IDH3B: variants seen among roughly 807,000 people sequenced by gnomAD.
IDH3B encodes isocitrate dehydrogenase [NAD] subunit beta, mitochondrial.
IDH3B carries 40 observed loss-of-function variants against 47.5 expected under a neutral mutation model. The ratio of observed to expected loss-of-function variants is 0.84; its 90% confidence interval spans 0.65 to 1.10. The LOEUF is 1.10. Among genes scored for constraint, IDH3B ranks in the 50% least tolerant of loss-of-function variants. The pLI is 0.00. For synonymous variants in IDH3B, 185 were observed against 191.0 expected (o/e 0.97, Z 0.26); for missense variants, 450 against 505.2 (o/e 0.89, Z 1.05).
chr20:2,663,846 G>C, intron 2 of IDH3B, 79 bp downstream of exon 2: 1 of 1,592,656 alleles, frequency 6.3e-7, no homozygotes, highest in Non-Finnish European at 8.6e-7. Flanking sequence ...GACCCGGGAG[G>C]GGTGGGGAAA....
Position 2,658,618 on chromosome 20 carries a change from A to T in IDH3B, c.*133T>A. ...GTCTGTCCCCTAAGGAAGCCGGCCC[A>T]AGGACAACCTAGGCTCTACCCAGCA... On this transcript the variant is annotated 3_prime_UTR_variant, in exon 12 of 12. Coordinates refer to ENST00000380843, the MANE Select transcript of IDH3B (RefSeq NM_006899.5). 1 of 1,613,348 alleles carries T rather than the reference A, an allele frequency of 6.2e-7. No homozygotes were observed. The highest frequency in any genetic ancestry group is 8.5e-7 in the Non-Finnish European group (1 of 1,179,650).
Position 2,658,491 on chromosome 20 carries a change from G to GTACA in IDH3B, c.*259_*260insTGTA. 6.2e-7 allele frequency: 1 copy of GTACA among 1,614,170 alleles called. No individual in the cohort carries two copies. Among genetic ancestry groups the GTACA allele is most frequent in the Non-Finnish European group, 8.5e-7 (1 of 1,180,034 alleles). On this transcript the variant is annotated 3_prime_UTR_variant, in exon 12 of 12. Transcript: ENST00000380843. ...GACAGCCTCAGTGAAGTCATGGCAA[G>GTACA]TAGCATAGCCACCCATGTCAGAGGT...
chr20:2,663,165 G>A (rs1273643424), intron 4 of IDH3B, among the ~76,000 whole-genome samples: 1 of 150,946 alleles, frequency 6.6e-6, no homozygotes, highest in African/African-American at 2.4e-5. Flanking sequence ...AAAGAAAAGG[G>A]GCAGCTAAAA....
chr20:2,664,144 G>A lies in IDH3B; in HGVS notation c.36+9C>T. 6.2e-7 allele frequency: 1 copy of A among 1,613,240 alleles called. No individual in the cohort carries two copies. The highest frequency in any genetic ancestry group is 1.1e-5 in the South Asian group (1 of 90,886). On this transcript the variant is annotated intron_variant, in intron 1 of 11. Coordinates refer to ENST00000380843, the MANE Select transcript of IDH3B (RefSeq NM_006899.5). ...GCCCGCCCCTGCCCGACATGTCCCGGGGCCTCACTCGGGTCAGCCAGCGGA... is the reference window on the plus strand; with the variant it reads ...GCCCGCCCCTGCCCGACATGTCCCGAGGCCTCACTCGGGTCAGCCAGCGGA...
At position 2,658,518 on chromosome 20, in the gene IDH3B, C is replaced by T. The variant is rs747921573; in HGVS notation, c.*233G>A. On this transcript the variant is annotated 3_prime_UTR_variant, in exon 12 of 12. Transcript: ENST00000380843. ...AGCATAGCCACCCATGTCAGAGGTT[C>T]GAACCTGTGGGGGAGAATCATCATC... is the stretch of plus-strand genomic sequence containing the variant. The T allele has an allele frequency of 1.4e-5, 22 of 1,613,854 alleles. No individual in the cohort carries two copies. The highest frequency in any genetic ancestry group is 1.7e-5 in the Non-Finnish European group (20 of 1,179,978).
At chr20:2,659,197 C>T in intron 11 of IDH3B, 2 of 1,303,172 alleles carry the variant, frequency 1.5e-6, no homozygotes, top group Non-Finnish European at 1.9e-6. Context: ...GCTGATGCTT[C>T]AGCCTGCCTG....
At chr20:2,661,416 T>C (rs772867099) in intron 4 of IDH3B, among the ~76,000 whole-genome samples, 17 of 152,238 alleles carry the variant, frequency 1.1e-4, no homozygotes, top group Non-Finnish European at 2.2e-4. Context: ...CAGGCTGGTC[T>C]CAAACTCCTG....
rs777717160 is a variant in IDH3B at position 2,658,717 on chromosome 20, G to A, written c.*34C>T. 1.8e-5 allele frequency: 29 copies of A among 1,614,044 alleles called. No individual in the cohort carries two copies. Among genetic ancestry groups the A allele is most frequent in the Non-Finnish European group, 2.5e-5 (29 of 1,180,022 alleles). On this transcript the variant is annotated 3_prime_UTR_variant, in exon 12 of 12. Transcript: ENST00000380843. Reference sequence around the variant, plus strand: ...CACTGCACTGAAGGGTATGGGGAGTGTGGTCCTTGCAAGGTTGGAAGAAAT... The same window carrying A: ...CACTGCACTGAAGGGTATGGGGAGTATGGTCCTTGCAAGGTTGGAAGAAAT...
chr20:2,659,351 G>C, intron 11 of IDH3B, 174 bp downstream of exon 11: 1 of 1,575,846 alleles, frequency 6.3e-7, no homozygotes, highest in Non-Finnish European at 8.6e-7. Flanking sequence ...AAACAGCCAA[G>C]AGAAGGGAGA....
chr20:2,663,420 G>C lies in IDH3B; in HGVS notation c.337+26C>G, dbSNP rs374299431. The C allele has an allele frequency of 5.7e-5, 92 of 1,613,686 alleles. No individual in the cohort carries two copies. The East Asian group carries it at 1.4e-3, about 24-fold the overall frequency. ...GTCATTTGATTTTAAATGGCACATG[G>C]ACAAGTGGCAAGAGGGCACACATAC... On this transcript the variant is annotated intron_variant, in intron 4 of 11. Coordinates refer to ENST00000380843, the MANE Select transcript of IDH3B (RefSeq NM_006899.5).
chr20:2,663,648 G>C lies in IDH3B; in HGVS notation c.216+12C>G. ...TACTGTCCTCTACTGTCTGATCCCC[G>C]AGGCCACTCACCTTGAACACCTCCT... On this transcript the variant is annotated intron_variant, in intron 3 of 11. Transcript: ENST00000380843. 6.2e-7 allele frequency: 1 copy of C among 1,614,080 alleles called. No homozygotes were observed. The highest frequency in any genetic ancestry group is 1.1e-5 in the South Asian group (1 of 91,082).
Position 2,663,543 on chromosome 20 carries a change from G to A in IDH3B, c.240C>T (p.Phe80=), listed in dbSNP as rs756941685. 3.7e-6 allele frequency: 6 copies of A among 1,614,164 alleles called. No homozygotes were observed. The highest frequency in any genetic ancestry group is 1.1e-5 in the South Asian group (1 of 91,080). ...VFKAAAVPVE[F]QEHHLSEVQN... Reference sequence around the variant, plus strand: ...GCACCTCACTCAGGTGGTGCTCCTGGAACTCCACTGGGACAGCGGCAGCCT... The same window carrying A: ...GCACCTCACTCAGGTGGTGCTCCTGAAACTCCACTGGGACAGCGGCAGCCT... Residue 80 remains phenylalanine (F), a synonymous_variant, in exon 4 of 12, where the codon TTC becomes TTT. Coordinates refer to ENST00000380843, the MANE Select transcript of IDH3B (RefSeq NM_006899.5).
Position 2,658,656 on chromosome 20 carries a change from T to G in IDH3B, c.*95A>C. Reference sequence around the variant, plus strand: ...GCTCTACCCAGCAAGGTGACCATGGTCCACTGCTTAGAGGCACAAGGTCTC... The same window carrying G: ...GCTCTACCCAGCAAGGTGACCATGGGCCACTGCTTAGAGGCACAAGGTCTC... On this transcript the variant is annotated 3_prime_UTR_variant, in exon 12 of 12. Transcript: ENST00000380843. 1 of 1,613,930 alleles carries G rather than the reference T, an allele frequency of 6.2e-7. No homozygotes were observed. Among genetic ancestry groups the G allele is most frequent in the Non-Finnish European group, 8.5e-7 (1 of 1,179,880 alleles).
chr20:2,658,550 G>T lies in IDH3B; in HGVS notation c.*201C>A. The T allele has an allele frequency of 6.2e-7, 1 of 1,613,524 alleles. No homozygotes were observed. The highest frequency in any genetic ancestry group is 1.1e-5 in the South Asian group (1 of 90,924). Reference sequence around the variant, plus strand: ...GTGGGGGAGAATCATCATCATCCATGTGGCCTGGGCTCCATCCTAACAATC... The same window carrying T: ...GTGGGGGAGAATCATCATCATCCATTTGGCCTGGGCTCCATCCTAACAATC... On this transcript the variant is annotated 3_prime_UTR_variant, in exon 12 of 12. Transcript: ENST00000380843.
At position 2,660,435 on chromosome 20, in the gene IDH3B, T is replaced by C. The variant is rs752507371; in HGVS notation, c.665+22A>G. The C allele has an allele frequency of 1.9e-6, 3 of 1,614,058 alleles. No homozygotes were observed. Among genetic ancestry groups the C allele is most frequent in the East Asian group, 2.2e-5 (1 of 44,860 alleles). ...GGGCTACCTTCCCAGGAACCCATCC[T>C]ACACAAAGCCATGCCCCTCACATGA... On this transcript the variant is annotated intron_variant, in intron 7 of 11. Transcript: ENST00000380843. The surrounding 1 kb of genome is among the most constrained non-coding windows in gnomAD (Gnocchi z 5.6).
chr20:2,661,028 G>A, intron 4 of IDH3B, 59 bp from the exon 5 acceptor site: 1 of 1,433,660 alleles, frequency 7.0e-7, no homozygotes, highest in East Asian at 2.3e-5. Context: ...AGGGAACTCA[G>A]ACCAGTGTCT....
intron 11 of IDH3B, 79 bp downstream of exon 11, chr20:2,659,446 T>A: frequency 6.5e-7 from 1 of 1,544,630 alleles, no homozygotes; most frequent in Non-Finnish European, 9.0e-7. Context: ...CCCATTCAGG[T>A]TCCCCAGAGG....
At chr20:2,659,874 G>C in intron 9 of IDH3B, 81 bp from the exon 10 acceptor site, 2 of 1,426,600 alleles carry the variant, frequency 1.4e-6, no homozygotes, top group Non-Finnish European at 2.0e-6. Context: ...GGACATTATG[G>C]GAGGGGGAGC....
chr20:2,664,078 G>T (rs2087003548), intron 1 of IDH3B, 73 bp from the exon 2 acceptor site: 2 of 1,608,436 alleles, frequency 1.2e-6, no homozygotes, highest in East Asian at 2.2e-5. Flanking sequence ...AGTTGACTTT[G>T]CCCTGTTTAG....
Sources: gnomAD v4.1 joint callset for allele counts (sites outside exome capture counted in the v4.1 genomes callset) on GRCh38, gnomAD v4.1.1 for gene constraint, Gnocchi (gnomAD v3.1) non-coding constraint, MANE v1.5 for transcripts, NCBI Gene and HGNC (gene_info 2026-07-23, HGNC 2026-07-21) for gene names.